KALRN: variants seen among roughly 807,000 people sequenced by gnomAD.
The protein encoded by KALRN is kalirin RhoGEF kinase.
KALRN carries 70 observed loss-of-function variants against 353.7 expected under a neutral mutation model. That is an observed-to-expected ratio of 0.20 (90% CI 0.16 to 0.24). The LOEUF (loss-of-function observed/expected upper bound fraction) is 0.24, where lower values mean the gene tolerates loss of function less well. Among genes scored for constraint, KALRN ranks in the 10% least tolerant of loss-of-function variants. The pLI is 1.00. For missense variants in KALRN, 2,791 were observed against 3,756.7 expected (o/e 0.74, Z 6.72); for synonymous variants, 1,391 against 1,434.8 (o/e 0.97, Z 0.69).
At chr3:124,637,482 G>A (rs2081488860) in intron 37 of KALRN, among the ~76,000 whole-genome samples, 179 bp downstream of exon 37, 1 of 152,176 alleles carries the variant, frequency 6.6e-6, no homozygotes, top group South Asian at 2.1e-4. Context: ...TTGGGAATGG[G>A]TATAGGGAAT....
intron 23 of KALRN, among the ~76,000 whole-genome samples, 180 bp from the exon 24 acceptor site, chr3:124,461,710 T>C (rs2059881284): frequency 6.6e-6 from 1 of 151,954 alleles, no homozygotes; most frequent in African/African-American, 2.4e-5. Flanking sequence ...ATATCACAAG[T>C]ATCATAGGAA....
intron 34 of KALRN, among the ~76,000 whole-genome samples, chr3:124,587,583 TC>T (rs2075323474): frequency 1.3e-5 from 2 of 152,152 alleles, no homozygotes; most frequent in Non-Finnish European, 2.9e-5. Context: ...ACCTGTGTGG[TC>T]TTTAAATATC....
intron 3 of KALRN, among the ~76,000 whole-genome samples, chr3:124,262,670 A>C (rs1477064057): frequency 6.6e-6 from 1 of 152,088 alleles, no homozygotes; most frequent in Non-Finnish European, 1.5e-5. Context: ...TGCTTGAGAC[A>C]CTCACATAGT....
At chr3:124,277,307 C>CTT (rs1365473786) in intron 5 of KALRN, among the ~76,000 whole-genome samples, 1 of 152,114 alleles carries the variant, frequency 6.6e-6, no homozygotes, top group Non-Finnish European at 1.5e-5. Flanking sequence ...TGGAGAAAGG[C>CTT]TCCGGTGCCC....
intron 1 of KALRN, among the ~76,000 whole-genome samples, chr3:124,153,810 C>G (rs12632772): frequency 0.28 from 41,884 of 151,606 alleles, 6,293 homozygotes; most frequent in East Asian, 0.46. Flanking sequence ...GATTGCCATT[C>G]TAACTGGTGT....
At chr3:124,616,770 C>A (rs918992179) in intron 34 of KALRN, among the ~76,000 whole-genome samples, 2 of 152,018 alleles carry the variant, frequency 1.3e-5, no homozygotes, top group African/African-American at 4.8e-5. Flanking sequence ...TCGAGACCAT[C>A]CTGGCTAACA....
intron 1 of KALRN, among the ~76,000 whole-genome samples, chr3:124,075,275 T>A (rs1320534309): frequency 6.6e-6 from 1 of 152,202 alleles, no homozygotes; most frequent in Non-Finnish European, 1.5e-5. Flanking sequence ...GACTCCCAGG[T>A]GGGTGCCATA....
At position 124,340,706 on chromosome 3, in the gene KALRN, G is replaced by A. The variant is rs181250734; in HGVS notation, c.1647+6211G>A. ...GTGGTGGCTCACACCTGTAATCCCA[G>A]CACTTTGGGAGGCAAAGGCAGGTAG... On this transcript the variant is annotated intron_variant, in intron 9 of 59. Coordinates refer to ENST00000682506, the MANE Select transcript of KALRN (RefSeq NM_001388419.1). 1.4e-3 allele frequency among the ~76,000 whole-genome samples: 219 copies of A among 152,218 alleles called. 1 individual carries two copies. The highest frequency in any genetic ancestry group is 5.1e-3 in the African/African-American group (213 of 41,542).
intron 33 of KALRN, among the ~76,000 whole-genome samples, chr3:124,508,349 T>A (rs1398461769): frequency 6.6e-6 from 1 of 152,230 alleles, no homozygotes; most frequent in Non-Finnish European, 1.5e-5. Context: ...TTACTTTTTT[T>A]ATAATTTTAC....
chr3:124,262,988 G>A (rs892570840), intron 3 of KALRN, among the ~76,000 whole-genome samples: 26 of 152,008 alleles, frequency 1.7e-4, no homozygotes, highest in Non-Finnish European at 2.8e-4. Context: ...TAAAATAAAC[G>A]GATTGGCTTT....
At chr3:124,660,680 CAA>C (rs5852424) in intron 43 of KALRN, among the ~76,000 whole-genome samples, 9 of 93,790 alleles carry the variant, frequency 9.6e-5, no homozygotes, top group East Asian at 3.0e-4. Flanking sequence ...GACTATGTCT[CAA>C]AAAAAAAAAA....
At chr3:124,169,815 C>T (rs1358109878) in intron 1 of KALRN, among the ~76,000 whole-genome samples, 1 of 152,124 alleles carries the variant, frequency 6.6e-6, no homozygotes, top group Non-Finnish European at 1.5e-5. Flanking sequence ...CTGGGACTCT[C>T]AGTTGTCCTG....
At chr3:124,119,528 A>G (rs2063768632) in intron 1 of KALRN, among the ~76,000 whole-genome samples, 1 of 152,224 alleles carries the variant, frequency 6.6e-6, no homozygotes, top group Non-Finnish European at 1.5e-5. Flanking sequence ...GCTTTGCATG[A>G]CTAAATGCCA....
chr3:124,580,341 G>C (rs1207305047), intron 34 of KALRN, among the ~76,000 whole-genome samples: 5 of 125,592 alleles, frequency 4.0e-5, no homozygotes, highest in Non-Finnish European at 1.6e-5. Context: ...AAAGTCAATT[G>C]ATCTAAATCT....
intron 1 of KALRN, among the ~76,000 whole-genome samples, chr3:124,065,518 C>T (rs761496944): frequency 2.0e-5 from 3 of 150,644 alleles, no homozygotes; most frequent in Non-Finnish European, 4.4e-5. Context: ...CAAAATAATT[C>T]AGCAAAAATG....
chr3:124,709,360 C>A (rs369484200), intron 57 of KALRN, among the ~76,000 whole-genome samples: 1 of 152,196 alleles, frequency 6.6e-6, no homozygotes, highest in Admixed American at 6.5e-5. Context: ...TCACTGCAAC[C>A]TCTGCCTCCC....
intron 45 of KALRN, among the ~76,000 whole-genome samples, chr3:124,663,847 T>A (rs1237862640): frequency 6.6e-6 from 1 of 152,206 alleles, no homozygotes; most frequent in Admixed American, 6.5e-5. Context: ...CGGGATAGTA[T>A]ATTTAAGTTA....
At position 124,124,860 on chromosome 3, in the gene KALRN, A is replaced by G. The variant is rs181079347; in HGVS notation, c.73+91047A>G. Among the ~76,000 whole-genome samples the G allele has an allele frequency of 7.0e-4, 106 of 152,368 alleles. No individual in the cohort carries two copies. The South Asian group carries it at 0.014, about 20-fold the overall frequency. On this transcript the variant is annotated intron_variant, in intron 1 of 59. Transcript: ENST00000682506. Reference sequence around the variant, plus strand: ...GCTATTGCACACTTAATAGACTACAACATAGTGTGAACATAACTTTATATG... The same window carrying G: ...GCTATTGCACACTTAATAGACTACAGCATAGTGTGAACATAACTTTATATG...
chr3:124,143,096 T>A (rs1388350274), intron 1 of KALRN, among the ~76,000 whole-genome samples: 1 of 152,094 alleles, frequency 6.6e-6, no homozygotes, highest in Non-Finnish European at 1.5e-5. Flanking sequence ...AATGAATGAA[T>A]CATTTTATTG....
Sources: gnomAD v4.1 joint callset for allele counts (sites outside exome capture counted in the v4.1 genomes callset) on GRCh38, gnomAD v4.1.1 for gene constraint, MANE v1.5 for transcripts, NCBI Gene and HGNC (gene_info 2026-07-23, HGNC 2026-07-21) for gene names.